SLC25A31: variants seen among roughly 807,000 people sequenced by gnomAD.
The protein encoded by SLC25A31 is ADP/ATP translocase 4.
SLC25A31 carries 40 observed loss-of-function variants against 36.2 expected under a neutral mutation model. The observed-to-expected ratio is 1.10, with a 90% CI of 0.86 to 1.44. The LOEUF is 1.44. SLC25A31 is among the 40% of genes most tolerant of loss of function. SLC25A31 has a pLI of 0.00. For missense variants in SLC25A31, 350 were observed against 397.1 expected, an observed-to-expected ratio of 0.88 and a Z score of 1.01; for synonymous variants, 143 against 149.7, an observed-to-expected ratio of 0.96 and a Z score of 0.32.
intron 4 of SLC25A31, 103 bp downstream of exon 4, chr4:127,767,323 A>T: frequency 9.0e-7 from 1 of 1,116,782 alleles, no homozygotes; most frequent in Non-Finnish European, 1.2e-6. Flanking sequence ...TAAAAATAAA[A>T]ATCAGTGATG....
intron 1 of SLC25A31, among the ~76,000 whole-genome samples, chr4:127,733,486 T>C (rs1345683958): frequency 6.6e-6 from 1 of 152,214 alleles, no homozygotes; most frequent in African/African-American, 2.4e-5. Context: ...GTCATCTGTA[T>C]TTGTAGCTAT....
intron 1 of SLC25A31, 36 bp downstream of exon 1, chr4:127,730,813 G>A (rs764376485): frequency 1.7e-5 from 27 of 1,568,430 alleles, no homozygotes; most frequent in East Asian, 9.3e-5. Flanking sequence ...AGCCTCTCCC[G>A]GCGCCCTCGT....
chr4:127,745,942 A>G (rs1334037033), intron 2 of SLC25A31, among the ~76,000 whole-genome samples: 2 of 151,904 alleles, frequency 1.3e-5, no homozygotes, highest in Non-Finnish European at 2.9e-5. Flanking sequence ...TTTTTCCTGC[A>G]GCTCTCCATC....
At chr4:127,765,143 T>C (rs916099589) in intron 3 of SLC25A31, among the ~76,000 whole-genome samples, 1 of 152,186 alleles carries the variant, frequency 6.6e-6, no homozygotes, top group Non-Finnish European at 1.5e-5. Context: ...TGGAGCCTTG[T>C]GTTCAGTTCT....
intron 2 of SLC25A31, among the ~76,000 whole-genome samples, chr4:127,757,285 C>G (rs1270418878): frequency 1.3e-5 from 2 of 152,210 alleles, no homozygotes; most frequent in Non-Finnish European, 2.9e-5. Flanking sequence ...CCTTCCCCCA[C>G]TTTCCTCCCT....
chr4:127,748,505 C>G (rs1731863771), intron 2 of SLC25A31, among the ~76,000 whole-genome samples: 1 of 152,162 alleles, frequency 6.6e-6, no homozygotes. Context: ...TGGGAGGAAA[C>G]CACACCCATC....
chr4:127,759,115 T>C lies in SLC25A31; in HGVS notation c.361-5128T>C, dbSNP rs1732082160. Reference sequence around the variant, plus strand: ...TTCCAGTACATGAGCATGGAATGTTTCTCCATTTGTTTGTGTCATGTATGA... The same window carrying C: ...TTCCAGTACATGAGCATGGAATGTTCCTCCATTTGTTTGTGTCATGTATGA... On this transcript the variant is annotated intron_variant, in intron 2 of 5. Coordinates refer to ENST00000281154, the MANE Select transcript of SLC25A31 (RefSeq NM_031291.4). Among the ~76,000 whole-genome samples the C allele has an allele frequency of 2.0e-5, 3 of 152,324 alleles. No individual in the cohort carries two copies. In the South Asian group the frequency reaches 6.2e-4, roughly 32 times the overall value.
At chr4:127,751,497 T>A (rs1433069577) in intron 2 of SLC25A31, among the ~76,000 whole-genome samples, 10 of 152,222 alleles carry the variant, frequency 6.6e-5, no homozygotes, top group African/African-American at 1.9e-4. Flanking sequence ...AATACCATTC[T>A]GGACATAGGC....
intron 2 of SLC25A31, among the ~76,000 whole-genome samples, chr4:127,755,707 C>T (rs925542792): frequency 5.9e-5 from 9 of 152,166 alleles, no homozygotes; most frequent in African/African-American, 1.7e-4. Flanking sequence ...TTACTATAGA[C>T]GCTTTAGAAA....
intron 2 of SLC25A31, among the ~76,000 whole-genome samples, chr4:127,758,452 T>A (rs909402049): frequency 6.6e-6 from 1 of 152,222 alleles, no homozygotes; most frequent in Non-Finnish European, 1.5e-5. Context: ...TTTCCTCCAC[T>A]GAATGTTGTG....
At chr4:127,730,834 G>C (rs1416573596) in intron 1 of SLC25A31, 57 bp downstream of exon 1, 5 of 1,507,634 alleles carry the variant, frequency 3.3e-6, no homozygotes, top group Non-Finnish European at 4.5e-6. Context: ...CAGCTTCCCA[G>C]AGAAGAGGGT....
At chr4:127,770,844 A>G (rs1732343431) in intron 5 of SLC25A31, among the ~76,000 whole-genome samples, 1 of 152,058 alleles carries the variant, frequency 6.6e-6, no homozygotes, top group Non-Finnish European at 1.5e-5. Context: ...GTCTGAGATC[A>G]AGATGTCAGC....
chr4:127,747,274 A>G (rs768093188), intron 2 of SLC25A31, among the ~76,000 whole-genome samples: 1 of 152,126 alleles, frequency 6.6e-6, no homozygotes, highest in Non-Finnish European at 1.5e-5. Context: ...ATGAATTTTT[A>G]AACAGTTTTT....
chr4:127,737,333 TCATTGAGATATTGA>T (rs147318873), intron 1 of SLC25A31, among the ~76,000 whole-genome samples: 17,782 of 152,262 alleles, frequency 0.12, 1,339 homozygotes, highest in South Asian at 0.22. Context: ...TTGTAAATTT[TCATTGAGATATTGA>T]CATTTCTTTT....
chr4:127,731,188 G>A (rs1397385026), intron 1 of SLC25A31, among the ~76,000 whole-genome samples: 1 of 152,206 alleles, frequency 6.6e-6, no homozygotes, highest in Non-Finnish European at 1.5e-5. Context: ...CAGCATGGGC[G>A]ACAGAGGAGA....
chr4:127,756,071 A>G (rs764862073), intron 2 of SLC25A31, among the ~76,000 whole-genome samples: 1 of 152,212 alleles, frequency 6.6e-6, no homozygotes, highest in Non-Finnish European at 1.5e-5. Context: ...GTATTCAGCA[A>G]TCCCACTACT....
At chr4:127,744,437 T>C (rs1024282332) in intron 1 of SLC25A31, among the ~76,000 whole-genome samples, 5 of 152,230 alleles carry the variant, frequency 3.3e-5, no homozygotes, top group African/African-American at 1.2e-4. Flanking sequence ...GATAACACTT[T>C]CCGTTTTAGG....
At chr4:127,766,418 A>G (rs954385106) in intron 3 of SLC25A31, among the ~76,000 whole-genome samples, 4 of 149,958 alleles carry the variant, frequency 2.7e-5, no homozygotes, top group African/African-American at 9.8e-5. Context: ...CACCCACCTC[A>G]GCCTCCCAAA....
In SLC25A31 at chr4:127,768,738, T is replaced by C. The variant is rs1038178544; in HGVS notation, c.634-14T>C. On this transcript the variant is annotated splice_polypyrimidine_tract_variant and intron_variant, in intron 4 of 5. Transcript: ENST00000281154. ...GAAATTTGGATAGTTACTTGGCACATTTTTCTTTTCTAGGGTTTATTACCA... is the reference window on the plus strand; with the variant it reads ...GAAATTTGGATAGTTACTTGGCACACTTTTCTTTTCTAGGGTTTATTACCA... 2.6e-6 allele frequency: 4 copies of C among 1,568,438 alleles called. No individual in the cohort carries two copies. Among genetic ancestry groups the C allele is most frequent in the Non-Finnish European group, 3.4e-6 (4 of 1,162,886 alleles).
Sources: gnomAD v4.1 joint callset for allele counts (sites outside exome capture counted in the v4.1 genomes callset) on GRCh38, gnomAD v4.1.1 for gene constraint, MANE v1.5 for transcripts, NCBI Gene and HGNC (gene_info 2026-07-23, HGNC 2026-07-21) for gene names.